Variants in TEF observed in about 807,000 individuals in gnomAD.
TEF encodes thyrotroph embryonic factor.
A neutral mutation model predicts 20.8 loss-of-function variants in TEF; 3 were observed. That is an observed-to-expected ratio of 0.14 (90% CI 0.07 to 0.37). The LOEUF (loss-of-function observed/expected upper bound fraction) is 0.37. Ranked by LOEUF, TEF falls within the 10% of genes least tolerant of loss-of-function variation. TEF has a pLI of 1.00. For missense variants in TEF, 296 were observed against 397.9 expected (o/e 0.74, Z 2.18); for synonymous variants, 180 against 171.1 (o/e 1.05, Z -0.41).
Position 41,396,833 on chromosome 22 carries a change from A to T in TEF, c.*873A>T, listed in dbSNP as rs746989254. The T allele has an allele frequency of 4.0e-5, 16 of 397,544 alleles. No homozygotes were observed. The highest frequency in any genetic ancestry group is 8.2e-5 in the African/African-American group (4 of 48,582). The allele number at this position is 397,544 out of a possible 1,614,324, so 24.6% of individuals were successfully genotyped here. A position where few individuals can be genotyped will look rare whatever the true frequency, so the allele number is the denominator to read the frequency against. ...TCCACCCAATGTCCAGTCTTGGATC[A>T]TAGATTTAAAAGGAAAACCCCTCTT... On this transcript the variant is annotated 3_prime_UTR_variant, in exon 4 of 4. Coordinates refer to ENST00000266304, the MANE Select transcript of TEF (RefSeq NM_003216.4).
chr22:41,395,764 G>C lies in TEF; in HGVS notation c.716G>C (p.Arg239Thr). ...DEQKDEKYWTRRKKNNVAAKR... is the reference protein window; with the variant it reads ...DEQKDEKYWTTRKKNNVAAKR... ...CCACAGGATGAAAAGTACTGGACAA[G>C]ACGCAAGAAGAACAACGTGGCAGCT... The change falls in exon 4 of 4, where the codon AGA becomes ACA. Residue 239 changes from arginine (R) to threonine (T), a missense_variant. Transcript: ENST00000266304. 1 of 1,614,090 alleles carries C rather than the reference G, an allele frequency of 6.2e-7. No homozygotes were observed. The highest frequency in any genetic ancestry group is 8.5e-7 in the Non-Finnish European group (1 of 1,180,016).
chr22:41,387,478 C>T lies in TEF; in HGVS notation c.285C>T (p.His95=). The T allele has an allele frequency of 6.2e-7, 1 of 1,614,222 alleles. No individual in the cohort carries two copies. Among genetic ancestry groups the T allele is most frequent in the Non-Finnish European group, 8.5e-7 (1 of 1,180,050 alleles). The change falls in exon 2 of 4, where the codon CAC becomes CAT. Residue 95 remains histidine (H), a synonymous_variant. Transcript: ENST00000266304. ...KTIPYDGESF[H]LEYMDLDEFL... The stretch of plus-strand genomic sequence containing the variant: ...TCCCATATGATGGCGAATCTTTCCA[C>T]CTGGAGTACATGGACCTGGATGAGT...
chr22:41,367,624 G>A (rs1408019806), intron 1 of TEF: 6 of 1,549,940 alleles, frequency 3.9e-6, no homozygotes, highest in Non-Finnish European at 5.2e-6. Context: ...GACCTGCATT[G>A]ATTGGCTGCC....
intron 1 of TEF, among the ~76,000 whole-genome samples, chr22:41,372,625 G>C (rs532148875): frequency 6.6e-6 from 1 of 152,248 alleles, no homozygotes; most frequent in East Asian, 1.9e-4. Flanking sequence ...TCGGGTCGTA[G>C]CTCTTCGTCA....
chr22:41,397,491 C>T lies in TEF; in HGVS notation c.*1531C>T, dbSNP rs1021660997. The T allele has an allele frequency of 2.4e-5, 4 of 166,636 alleles. No homozygotes were observed. Among genetic ancestry groups the T allele is most frequent in the South Asian group, 2.0e-4 (1 of 4,938 alleles). The allele number at this position is 166,636 out of a possible 1,614,324, so 10.3% of individuals were successfully genotyped here. ...CCTCCGTAACACTGGCTTTATTTAC[C>T]GTGGTGGTTCAGAGTCCCAGGCCCT... On this transcript the variant is annotated 3_prime_UTR_variant, in exon 4 of 4. Transcript: ENST00000266304.
chr22:41,391,310 T>C (rs1396841301), intron 2 of TEF, among the ~76,000 whole-genome samples: 1 of 151,656 alleles, frequency 6.6e-6, no homozygotes, highest in Non-Finnish European at 1.5e-5. Flanking sequence ...GACTGACCTA[T>C]GCATTGCAGG....
chr22:41,374,046 G>A (rs1292593566), intron 1 of TEF, among the ~76,000 whole-genome samples: 4 of 152,018 alleles, frequency 2.6e-5, no homozygotes, highest in Admixed American at 2.0e-4. Context: ...GCAGGCATGA[G>A]CCACCGCGCC....
At chr22:41,373,024 G>C (rs1030702666) in intron 1 of TEF, among the ~76,000 whole-genome samples, 39 of 152,192 alleles carry the variant, frequency 2.6e-4, no homozygotes, top group Non-Finnish European at 5.7e-4. Context: ...CACCTGCAGA[G>C]CTTTGACGGT....
At chr22:41,376,693 A>G (rs1004254919) in intron 1 of TEF, among the ~76,000 whole-genome samples, 1 of 152,150 alleles carries the variant, frequency 6.6e-6, no homozygotes. Context: ...CCTCACACAC[A>G]AAATAACTAC....
rs538857352 is a variant in TEF at position 41,386,377 on chromosome 22, G to A, written c.158-974G>A. ...AATCGCTTGAACCAGGGAGGCGGAGGTTGCAGTGAGCCTAGATTGTGCCAT... is the reference window on the plus strand; with the variant it reads ...AATCGCTTGAACCAGGGAGGCGGAGATTGCAGTGAGCCTAGATTGTGCCAT... On this transcript the variant is annotated intron_variant, in intron 1 of 3. Transcript: ENST00000266304. Among the ~76,000 whole-genome samples the A allele has an allele frequency of 2.1e-3, 322 of 152,248 alleles. 3 individuals are homozygous for A. Among genetic ancestry groups the A allele is most frequent in the Non-Finnish European group, 2.7e-3 (185 of 68,024 alleles).
rs1162413980 is a variant in TEF, at chr22:41,398,485, C to T, written c.*2525C>T. On this transcript the variant is annotated 3_prime_UTR_variant, in exon 4 of 4. Coordinates refer to ENST00000266304, the MANE Select transcript of TEF (RefSeq NM_003216.4). ...AAGCATCCTGTCTAAAGCTTTGTGG[C>T]ACCCTCAGTGCAACCTCAGAACAGA... is the stretch of plus-strand genomic sequence containing the variant. 1 of 153,782 alleles carries T rather than the reference C, an allele frequency of 6.5e-6. No homozygotes were observed. Among genetic ancestry groups the T allele is most frequent in the Non-Finnish European group, 1.5e-5 (1 of 68,048 alleles). The allele number at this position is 153,782 out of a possible 1,614,324, so 9.5% of individuals were successfully genotyped here. A position where few individuals can be genotyped will look rare whatever the true frequency, so the allele number is the denominator to read the frequency against.
intron 1 of TEF, among the ~76,000 whole-genome samples, 182 bp downstream of exon 1, chr22:41,382,383 G>A (rs988368215): frequency 6.6e-5 from 10 of 152,030 alleles, no homozygotes; most frequent in African/African-American, 2.4e-4. Flanking sequence ...AGGGTCAGGG[G>A]CGGGCTGAGA....
intron 1 of TEF, among the ~76,000 whole-genome samples, chr22:41,375,723 C>T (rs1169172898): frequency 1.3e-5 from 1 of 74,746 alleles, no homozygotes; most frequent in Non-Finnish European, 2.9e-5. Context: ...GACTCTGTCT[C>T]AAAAAAAAAA....
intron 1 of TEF, among the ~76,000 whole-genome samples, chr22:41,368,156 G>A (rs1297966321): frequency 6.6e-6 from 1 of 152,164 alleles, no homozygotes; most frequent in Non-Finnish European, 1.5e-5. Flanking sequence ...GGAGGAGAGA[G>A]GAGGGCGTGG....
chr22:41,380,526 C>A (rs148270487), upstream of TEF, among the ~76,000 whole-genome samples: 1 of 152,162 alleles, frequency 6.6e-6, no homozygotes, highest in African/African-American at 2.4e-5. Flanking sequence ...TGCATCTACC[C>A]CCTGAACCAA....
At chr22:41,379,371 G>A (rs1240634025), upstream of TEF, among the ~76,000 whole-genome samples, 1 of 151,844 alleles carries the variant, frequency 6.6e-6, no homozygotes, top group Non-Finnish European at 1.5e-5. Context: ...GCCGTACGTG[G>A]TGGTGCACGC....
At position 41,374,413 on chromosome 22, in the gene TEF, G is replaced by A. The variant is rs370292392; in HGVS notation, c.67+6814G>A. Among the ~76,000 whole-genome samples the A allele has an allele frequency of 1.2e-4, 19 of 152,066 alleles. No homozygotes were observed. The East Asian group carries it at 1.7e-3, about 14-fold the overall frequency. On this transcript the variant is annotated intron_variant, in intron 1 of 3. Coordinates refer to the TEF transcript ENST00000406644. ...AAAATACAAAAAAAATTAGCCGGGC[G>A]TGGTGGCGGGCACCTGTAGTCCCAG... is the stretch of plus-strand genomic sequence containing the variant.
intron 2 of TEF, among the ~76,000 whole-genome samples, chr22:41,392,808 G>A (rs556213520): frequency 5.6e-4 from 84 of 151,038 alleles, no homozygotes; most frequent in African/African-American, 1.9e-3. Flanking sequence ...AGGCCGAGGC[G>A]GGTGGATCAC....
chr22:41,394,042 G>T, intron 2 of TEF, 54 bp from the exon 3 acceptor site: 2 of 1,541,660 alleles, frequency 1.3e-6, no homozygotes, highest in Non-Finnish European at 8.9e-7. Flanking sequence ...GTGTGGCGTG[G>T]GTCTTCTCTG....
Sources: gnomAD v4.1 joint callset for allele counts (sites outside exome capture counted in the v4.1 genomes callset) on GRCh38, gnomAD v4.1.1 for gene constraint, MANE v1.5 for transcripts, NCBI Gene and HGNC (gene_info 2026-07-23, HGNC 2026-07-21) for gene names.